NFIB: variants seen among roughly 807,000 people sequenced by gnomAD.
NFIB encodes nuclear factor 1 B-type.
A neutral mutation model predicts 61.5 loss-of-function variants in NFIB; 11 were observed. That is an observed-to-expected ratio of 0.18 (90% CI 0.11 to 0.30). NFIB has a LOEUF of 0.30. NFIB is among the 10% of genes least tolerant of loss of function. The pLI, the probability that NFIB is intolerant of heterozygous loss-of-function variation, is 1.00. For missense variants in NFIB, 471 were observed against 608.9 expected (o/e 0.77, Z 2.38); for synonymous variants, 260 against 216.5 (o/e 1.20, Z -1.76).
At chr9:14,188,313 T>A (rs985424130) in intron 2 of NFIB, among the ~76,000 whole-genome samples, 7 of 151,650 alleles carry the variant, frequency 4.6e-5, no homozygotes, top group Non-Finnish European at 1.0e-4. Context: ...GCAAATCCAG[T>A]TTTCTATCTT....
chr9:14,114,245 G>A (rs1212976783), intron 9 of NFIB, among the ~76,000 whole-genome samples: 1 of 152,154 alleles, frequency 6.6e-6, no homozygotes, highest in East Asian at 1.9e-4. Flanking sequence ...TGAATAAGGG[G>A]ACATGCAAGG....
chr9:14,481,178 A>AGTGTGT, the NFIB span, among the ~76,000 whole-genome samples: 47 of 67,306 alleles, frequency 7.0e-4, 1 homozygote, highest in South Asian at 1.2e-3. Flanking sequence ...TCAAAAACTG[A>AGTGTGT]GTGTGTGTGT....
At chr9:14,440,542 T>G in the NFIB span, among the ~76,000 whole-genome samples, 3 of 152,150 alleles carry the variant, frequency 2.0e-5, no homozygotes, top group Non-Finnish European at 4.4e-5. Flanking sequence ...AGCCACAATC[T>G]CTCCTGATTA....
intron 2 of NFIB, among the ~76,000 whole-genome samples, chr9:14,242,092 C>CTT (rs1285726949): frequency 6.6e-6 from 1 of 152,128 alleles, no homozygotes; most frequent in African/African-American, 2.4e-5. Flanking sequence ...GTCCACATGT[C>CTT]TATCAGATAT....
At chr9:14,196,785 T>C (rs2048520329) in intron 2 of NFIB, among the ~76,000 whole-genome samples, 1 of 152,104 alleles carries the variant, frequency 6.6e-6, no homozygotes, top group Non-Finnish European at 1.5e-5. Context: ...TCAGACTACT[T>C]AATTAAGTGT....
At chr9:14,433,412 G>T in the NFIB span, among the ~76,000 whole-genome samples, 2 of 152,156 alleles carry the variant, frequency 1.3e-5, no homozygotes, top group Non-Finnish European at 2.9e-5. Flanking sequence ...ATCCAATGAT[G>T]CAGGAAAGTT....
chr9:14,170,409 A>G (rs1343410906), intron 3 of NFIB, among the ~76,000 whole-genome samples: 1 of 152,128 alleles, frequency 6.6e-6, no homozygotes. Context: ...TGGGAGGCTG[A>G]GGTGGGAGGA....
intron 2 of NFIB, among the ~76,000 whole-genome samples, chr9:14,208,332 G>T (rs79239527): frequency 0.021 from 3,198 of 152,006 alleles, 108 homozygotes; most frequent in African/African-American, 0.073. Flanking sequence ...CGACATCAAG[G>T]TTAAATTGTA....
At chr9:14,476,071 T>C in the NFIB span, among the ~76,000 whole-genome samples, 5 of 152,164 alleles carry the variant, frequency 3.3e-5, no homozygotes, top group South Asian at 2.1e-4. Flanking sequence ...CACATGTCAA[T>C]AGGAGGCAAA....
intron 3 of NFIB, among the ~76,000 whole-genome samples, chr9:14,168,190 T>C (rs917726479): frequency 3.9e-5 from 6 of 152,250 alleles, no homozygotes; most frequent in African/African-American, 1.2e-4. Flanking sequence ...GAACAGGTTA[T>C]TTATTTAGTC....
chr9:14,491,213 C>G, the NFIB span, among the ~76,000 whole-genome samples: 3 of 152,056 alleles, frequency 2.0e-5, no homozygotes, highest in Admixed American at 2.0e-4. Flanking sequence ...GCATGTAAAG[C>G]TCTGAGAACC....
chr9:14,264,894 C>G (rs1019376125), intron 2 of NFIB, among the ~76,000 whole-genome samples: 1 of 151,710 alleles, frequency 6.6e-6, no homozygotes, highest in Non-Finnish European at 1.5e-5. Flanking sequence ...AAGTTAGGTT[C>G]CGTGACTTCC....
At chr9:14,095,584 T>C (rs1453059656) in intron 10 of NFIB, among the ~76,000 whole-genome samples, 1 of 152,100 alleles carries the variant, frequency 6.6e-6, no homozygotes, top group Non-Finnish European at 1.5e-5. Context: ...TCTACAAAAA[T>C]GGTGCTTCAA....
At chr9:14,412,610 A>G in the NFIB span, among the ~76,000 whole-genome samples, 2 of 152,274 alleles carry the variant, frequency 1.3e-5, no homozygotes, top group Admixed American at 6.5e-5. Flanking sequence ...CTTCCAGAAG[A>G]TGTGATCTGG....
chr9:14,256,373 T>C (rs1268910099), intron 2 of NFIB, among the ~76,000 whole-genome samples: 1 of 152,124 alleles, frequency 6.6e-6, no homozygotes, highest in Non-Finnish European at 1.5e-5. Flanking sequence ...ATAAATAATT[T>C]TCCAAAAACT....
At chr9:14,436,291 T>C in the NFIB span, among the ~76,000 whole-genome samples, 1 of 152,242 alleles carries the variant, frequency 6.6e-6, no homozygotes, top group African/African-American at 2.4e-5. Flanking sequence ...GCTGGAAATC[T>C]TAGGTGAACA....
Position 14,179,720 on chromosome 9 carries a change from T to C in NFIB, c.616+7A>G, listed in dbSNP as rs1380847586. Reference sequence around the variant, plus strand: ...CAGATTGCAAATGTCCTGGAACACATATTTACCTGGAGGATTCTTGGCAGG... The same window carrying C: ...CAGATTGCAAATGTCCTGGAACACACATTTACCTGGAGGATTCTTGGCAGG... On this transcript the variant is annotated splice_region_variant and intron_variant, in intron 3 of 10. Transcript: ENST00000380953. The C allele has an allele frequency of 2.5e-6, 4 of 1,613,556 alleles. No homozygotes were observed. The highest frequency in any genetic ancestry group is 2.5e-6 in the Non-Finnish European group (3 of 1,179,634).
chr9:14,154,288 A>G (rs1451296630), intron 4 of NFIB, among the ~76,000 whole-genome samples: 1 of 152,108 alleles, frequency 6.6e-6, no homozygotes, highest in Non-Finnish European at 1.5e-5. Context: ...ATGAAAATAT[A>G]CCATTGAACT....
In NFIB at chr9:14,120,214, A is replaced by C. The variant is rs2119147194; in HGVS notation, c.1245+226T>G. Reference sequence around the variant, plus strand: ...TCCCTTCAGTCAGTGAAAATCCAAAAACATTAAACCATCTTCACAAATGTA... The same window carrying C: ...TCCCTTCAGTCAGTGAAAATCCAAACACATTAAACCATCTTCACAAATGTA... On this transcript the variant is annotated intron_variant, in intron 8 of 10. Coordinates refer to ENST00000380953, the MANE Select transcript of NFIB (RefSeq NM_001190737.2). This position sits in a 1 kb window ranked among gnomAD's most constrained non-coding sequence, Gnocchi z 4.4. Among the ~76,000 whole-genome samples the C allele has an allele frequency of 6.6e-6, 1 of 152,266 alleles. No homozygotes were observed. Among genetic ancestry groups the C allele is most frequent in the African/African-American group, 2.4e-5 (1 of 41,530 alleles).
Sources: allele counts gnomAD v4.1 joint callset (sites outside exome capture counted in the v4.1 genomes callset), GRCh38; gene constraint gnomAD v4.1.1; non-coding constraint Gnocchi (gnomAD v3.1); transcripts MANE v1.5; gene names NCBI Gene and HGNC (gene_info 2026-07-23, HGNC 2026-07-21).